Variants in SPOCK3 observed in about 807,000 individuals in gnomAD.
SPOCK3 encodes the protein testican-3.
SPOCK3 carries 30 observed loss-of-function variants against 56.6 expected under a neutral mutation model. The ratio of observed to expected loss-of-function variants is 0.53; its 90% CI spans 0.40 to 0.72. The LOEUF (loss-of-function observed/expected upper bound fraction) is 0.72, where lower values mean the gene tolerates loss of function less well. Among genes scored for constraint, SPOCK3 ranks in the 30% least tolerant of loss-of-function variants. The probability of loss-of-function intolerance (pLI) is 0.00; values close to 1 mark genes in which losing one functional copy is unlikely to be tolerated. For synonymous variants in SPOCK3, 196 were observed against 183.3 expected (o/e 1.07, Z -0.56); for missense variants, 527 against 530.0 (o/e 0.99, Z 0.06).
chr4:166,770,430 T>C (rs1445065269), intron 7 of SPOCK3, among the ~76,000 whole-genome samples: 1 of 152,138 alleles, frequency 6.6e-6, no homozygotes, highest in Non-Finnish European at 1.5e-5. Context: ...ATTCATAACT[T>C]TAATTCCATC....
At chr4:166,935,624 C>T (rs1356390428) in intron 4 of SPOCK3, among the ~76,000 whole-genome samples, 2 of 152,000 alleles carry the variant, frequency 1.3e-5, no homozygotes, top group African/African-American at 4.8e-5. Context: ...TTGGTTTTTA[C>T]CCTGAGTGAT....
intron 2 of SPOCK3, among the ~76,000 whole-genome samples, chr4:167,206,237 T>A (rs369353595): frequency 2.6e-4 from 40 of 152,060 alleles, no homozygotes; most frequent in African/African-American, 8.7e-4. Context: ...GGTAGGAGAA[T>A]CACTTGAACC....
At chr4:166,908,497 G>A (rs1474231200) in intron 5 of SPOCK3, among the ~76,000 whole-genome samples, 1 of 128,270 alleles carries the variant, frequency 7.8e-6, no homozygotes, top group African/African-American at 3.0e-5. Flanking sequence ...AAATAGGTAA[G>A]CTTTATATTT....
chr4:167,088,840 C>T (rs1051671881), intron 2 of SPOCK3, among the ~76,000 whole-genome samples: 10 of 152,258 alleles, frequency 6.6e-5, no homozygotes, highest in African/African-American at 2.4e-4. Context: ...CTAGTACCTA[C>T]ATTCGATGAT....
intron 2 of SPOCK3, among the ~76,000 whole-genome samples, chr4:167,231,086 T>C (rs1322520974): frequency 2.6e-5 from 4 of 152,154 alleles, no homozygotes; most frequent in Admixed American, 6.5e-5. Context: ...CCATGCTCTT[T>C]GTTCCTAAAG....
At chr4:166,848,918 T>C (rs2126863613) in intron 6 of SPOCK3, among the ~76,000 whole-genome samples, 1 of 152,344 alleles carries the variant, frequency 6.6e-6, no homozygotes, top group Non-Finnish European at 1.5e-5. Flanking sequence ...TGATGTAAAC[T>C]ATGTCGTTGA....
chr4:166,884,980 C>T (rs540312507), intron 6 of SPOCK3, among the ~76,000 whole-genome samples: 73 of 152,008 alleles, frequency 4.8e-4, no homozygotes, highest in African/African-American at 1.6e-3. Context: ...ACATGATTCT[C>T]AGCTCCCAAT....
At chr4:166,972,873 A>C (rs913584736) in intron 4 of SPOCK3, among the ~76,000 whole-genome samples, 5 of 152,120 alleles carry the variant, frequency 3.3e-5, no homozygotes, top group African/African-American at 4.8e-5. Flanking sequence ...ATTACACTTG[A>C]TTTTCATCAC....
At chr4:167,134,499 T>C (rs1371867722) in intron 2 of SPOCK3, among the ~76,000 whole-genome samples, 1 of 152,192 alleles carries the variant, frequency 6.6e-6, no homozygotes, top group African/African-American at 2.4e-5. Context: ...TTGTTACATT[T>C]TAATAGCATG....
rs143499064 is a variant in SPOCK3, at chr4:167,000,707, T to G, written c.236-244A>C. 1.7e-3 allele frequency among the ~76,000 whole-genome samples: 260 copies of G among 152,320 alleles called. 3 individuals carry two copies. Among genetic ancestry groups the G allele is most frequent in the African/African-American group, 5.7e-3 (236 of 41,580 alleles). On this transcript the variant is annotated intron_variant, in intron 3 of 10. Coordinates refer to ENST00000357545, the MANE Select transcript of SPOCK3 (RefSeq NM_001040159.2). Reference sequence around the variant, plus strand: ...CACATATGCCTATGATCAGACAATGTGTTATCAAAATAGAAACTTTAAGAC... The same window carrying G: ...CACATATGCCTATGATCAGACAATGGGTTATCAAAATAGAAACTTTAAGAC...
At chr4:166,819,570 A>G (rs942503990) in intron 6 of SPOCK3, among the ~76,000 whole-genome samples, 2 of 152,090 alleles carry the variant, frequency 1.3e-5, no homozygotes, top group Admixed American at 6.6e-5. Context: ...ATATAATTAT[A>G]TATTCCTAAC....
At chr4:167,095,434 T>A (rs1300603324) in intron 2 of SPOCK3, among the ~76,000 whole-genome samples, 1 of 152,036 alleles carries the variant, frequency 6.6e-6, no homozygotes, top group Non-Finnish European at 1.5e-5. Flanking sequence ...TGTATTCTAT[T>A]CTCTGACTAA....
chr4:166,874,445 G>T (rs1287171428), intron 6 of SPOCK3, among the ~76,000 whole-genome samples: 1 of 152,182 alleles, frequency 6.6e-6, no homozygotes, highest in African/African-American at 2.4e-5. Context: ...TTGATAAGTA[G>T]AATTGATTAT....
Position 166,768,807 on chromosome 4 carries a change from A to G in SPOCK3, c.710-14078T>C, listed in dbSNP as rs1335995208. 2.0e-5 allele frequency among the ~76,000 whole-genome samples: 3 copies of G among 152,262 alleles called. No individual in the cohort carries two copies. The East Asian group carries it at 5.8e-4, about 29-fold the overall frequency. On this transcript the variant is annotated intron_variant, in intron 7 of 10. Coordinates refer to ENST00000357545, the MANE Select transcript of SPOCK3 (RefSeq NM_001040159.2). The stretch of plus-strand genomic sequence containing the variant: ...TTTCCAACTTGGTTCCATTCTCCCC[A>G]TCACTTTCAGGTACACCAGTCAGAT...
intron 5 of SPOCK3, among the ~76,000 whole-genome samples, chr4:166,908,623 C>G (rs1407191107): frequency 6.6e-6 from 1 of 151,858 alleles, no homozygotes; most frequent in Admixed American, 6.6e-5. Context: ...TTGCCAAGCA[C>G]TGCATCACTA....
intron 4 of SPOCK3, among the ~76,000 whole-genome samples, chr4:166,939,812 C>T (rs1344591983): frequency 6.6e-6 from 1 of 152,076 alleles, no homozygotes; most frequent in Non-Finnish European, 1.5e-5. Flanking sequence ...AAAAGCTGTT[C>T]CAACAAATAT....
At chr4:166,792,715 T>C (rs72984046) in intron 6 of SPOCK3, among the ~76,000 whole-genome samples, 4,409 of 152,268 alleles carry the variant, frequency 0.029, 206 homozygotes, top group African/African-American at 0.098. Context: ...AATTATTTAT[T>C]CATATACTCA....
At chr4:166,864,921 TA>T (rs1560947906) in intron 6 of SPOCK3, among the ~76,000 whole-genome samples, 1 of 152,144 alleles carries the variant, frequency 6.6e-6, no homozygotes, top group African/African-American at 2.4e-5. Flanking sequence ...GAGCCCTCCC[TA>T]ACTTATTTTA....
At chr4:167,074,233 A>G (rs1014625986) in intron 2 of SPOCK3, among the ~76,000 whole-genome samples, 1 of 151,928 alleles carries the variant, frequency 6.6e-6, no homozygotes, top group African/African-American at 2.4e-5. Flanking sequence ...GTATAGCTAC[A>G]AAATAAATTA....
Sources: gnomAD v4.1 joint callset for allele counts (sites outside exome capture counted in the v4.1 genomes callset) on GRCh38, gnomAD v4.1.1 for gene constraint, MANE v1.5 for transcripts, NCBI Gene and HGNC (gene_info 2026-07-23, HGNC 2026-07-21) for gene names.